The following MAF variants were observed in gnomAD, a reference collection of about 807,000 sequenced individuals.
MAF encodes the protein transcription factor Maf.
In MAF, 10 loss-of-function variants were observed where a neutral mutation model predicts 22.0. The ratio of observed to expected loss-of-function variants is 0.45; its 90% CI spans 0.28 to 0.77. The LOEUF is 0.77. Ranked by LOEUF, MAF falls within the 30% of genes least tolerant of loss-of-function variation. The probability of loss-of-function intolerance (pLI) is 0.12; values close to 1 mark genes in which losing one functional copy is unlikely to be tolerated. For missense variants in MAF, 544 were observed against 548.4 expected (o/e 0.99, Z 0.08); for synonymous variants, 337 against 255.8 (o/e 1.32, Z -3.03).
downstream of MAF, among the ~76,000 whole-genome samples, chr16:79,592,959 A>G (rs2143745980): frequency 6.6e-6 from 1 of 152,336 alleles, no homozygotes; most frequent in South Asian, 2.1e-4. Context: ...AGCAGCGCTA[A>G]GAAGAGCTTG....
At chr16:79,595,568 G>C in intron 1 of MAF, 4 of 1,059,930 alleles carry the variant, frequency 3.8e-6, no homozygotes, top group Non-Finnish European at 4.6e-6. Context: ...TTAGTTTCAT[G>C]AATTTGTGTC....
Position 79,599,472 on chromosome 16 carries a change from G to A in MAF, c.431C>T (p.Ala144Val). 1 of 1,389,002 alleles carries A rather than the reference G, an allele frequency of 7.2e-7. No individual in the cohort carries two copies. The highest frequency in any genetic ancestry group is 1.7e-5 in the South Asian group (1 of 58,430). The allele number at this position is 1,389,002 out of a possible 1,614,324, so 86.0% of individuals were successfully genotyped here. ...GAQQLAAAAG[A>V]GAGASLGGSG... ...GCCGCCCAAGGAGGCGCCGGCACCG[G>A]CCCCGGCCGCCGCGGCCAGCTGCTG... Residue 144 changes from alanine (A) to valine (V), a missense_variant, in exon 1 of 2, where the codon GCC becomes GTC. Ala to Val is a moderately conservative substitution (Grantham distance 64). Around this residue, in one of 5 missense-constraint regions of MAF, gnomAD observed 342 missense variants for 315.5 expected, o/e 1.08. Coordinates refer to ENST00000326043, the MANE Select transcript of MAF (RefSeq NM_005360.5).
chr16:79,211,821 A>G, the MAF span: 1 of 1,613,590 alleles, frequency 6.2e-7, no homozygotes, highest in Non-Finnish European at 8.5e-7. Flanking sequence ...GGATGGGCAC[A>G]CACACCCGCC....
the MAF span, among the ~76,000 whole-genome samples, chr16:79,338,587 A>G: frequency 1.3e-5 from 2 of 152,154 alleles, no homozygotes; most frequent in African/African-American, 4.8e-5. Context: ...GAAGCAAAAT[A>G]CTTTTTAGAA....
intron 1 of MAF, chr16:79,595,237 G>A: frequency 1.9e-6 from 2 of 1,045,004 alleles, no homozygotes; most frequent in South Asian, 4.7e-5. Flanking sequence ...TGTGGATTCA[G>A]GAGCCTGTCT....
chr16:79,366,848 C>T, the MAF span, among the ~76,000 whole-genome samples: 3 of 152,266 alleles, frequency 2.0e-5, no homozygotes, highest in African/African-American at 7.2e-5. Context: ...TGCAGCATAG[C>T]CTGGCTCATA....
chr16:79,372,279 A>G, the MAF span, among the ~76,000 whole-genome samples: 1 of 152,112 alleles, frequency 6.6e-6, no homozygotes, highest in Admixed American at 6.6e-5. Context: ...AGAGCAAACA[A>G]GCTTAAGAGC....
the MAF span, among the ~76,000 whole-genome samples, chr16:79,293,502 C>T: frequency 9.2e-5 from 14 of 152,096 alleles, no homozygotes; most frequent in Non-Finnish European, 1.6e-4. Context: ...TTTTTCCTTA[C>T]AAGAAACTTG....
chr16:79,366,190 A>C, the MAF span, among the ~76,000 whole-genome samples: 1 of 152,222 alleles, frequency 6.6e-6, no homozygotes, highest in African/African-American at 2.4e-5. Flanking sequence ...GTATCAGGAC[A>C]TCTGAAACCC....
At chr16:79,529,427 G>T in the MAF span, among the ~76,000 whole-genome samples, 1 of 152,170 alleles carries the variant, frequency 6.6e-6, no homozygotes, top group Admixed American at 6.5e-5. Flanking sequence ...AGAAAGTTGG[G>T]TGAAGCATAT....
At chr16:79,439,185 C>T in the MAF span, among the ~76,000 whole-genome samples, 2 of 151,908 alleles carry the variant, frequency 1.3e-5, no homozygotes, top group Non-Finnish European at 2.9e-5. Context: ...GTGTATTAAG[C>T]AGTTCTTTGC....
the MAF span, among the ~76,000 whole-genome samples, chr16:79,249,961 A>C: frequency 6.6e-6 from 1 of 152,238 alleles, no homozygotes; most frequent in Non-Finnish European, 1.5e-5. Context: ...TTTAAAATAC[A>C]GGTCCCAGAG....
the MAF span, among the ~76,000 whole-genome samples, chr16:79,546,962 T>G: frequency 1.5e-4 from 23 of 152,292 alleles, no homozygotes; most frequent in Non-Finnish European, 4.4e-5. Context: ...TATGTGACAA[T>G]TGAAAGTGCA....
the MAF span, among the ~76,000 whole-genome samples, chr16:79,572,374 C>T: frequency 2.0e-5 from 3 of 152,136 alleles, no homozygotes; most frequent in Non-Finnish European, 4.4e-5. Flanking sequence ...CCTTTCTTCC[C>T]CCAACACTTT....
chr16:79,385,805 G>A, the MAF span, among the ~76,000 whole-genome samples: 1 of 152,206 alleles, frequency 6.6e-6, no homozygotes, highest in Non-Finnish European at 1.5e-5. Flanking sequence ...AGAGGCTGAG[G>A]CAGGAGAATT....
chr16:79,229,956 C>T, the MAF span, among the ~76,000 whole-genome samples: 1 of 151,732 alleles, frequency 6.6e-6, no homozygotes, highest in South Asian at 2.1e-4. Context: ...GCCCCGCCAT[C>T]TAATCAAAAG....
chr16:79,462,788 G>A, the MAF span, among the ~76,000 whole-genome samples: 1 of 152,198 alleles, frequency 6.6e-6, no homozygotes, highest in South Asian at 2.1e-4. Flanking sequence ...CTAAATGCCA[G>A]GCACTCTGCT....
At chr16:79,262,565 G>A in the MAF span, among the ~76,000 whole-genome samples, 1 of 152,276 alleles carries the variant, frequency 6.6e-6, no homozygotes, top group East Asian at 1.9e-4. Context: ...CACACGCAAA[G>A]GCATGGAGGT....
the MAF span, among the ~76,000 whole-genome samples, chr16:79,245,972 C>T: frequency 6.6e-6 from 1 of 151,994 alleles, no homozygotes; most frequent in African/African-American, 2.4e-5. Flanking sequence ...AAACCAGACA[C>T]CGCATGTTCT....
Sources: gnomAD v4.1 joint callset for allele counts (sites outside exome capture counted in the v4.1 genomes callset) on GRCh38, gnomAD v4.1.1 for gene constraint, gnomAD v4.1.1 regional missense constraint, MANE v1.5 for transcripts, NCBI Gene and HGNC (gene_info 2026-07-23, HGNC 2026-07-21) for gene names.